BBS9: variants seen among roughly 807,000 people sequenced by gnomAD.
BBS9 encodes protein PTHB1.
In BBS9, 89 loss-of-function variants were observed where a neutral mutation model predicts 117.7. That is an observed-to-expected ratio of 0.76 (90% CI 0.64 to 0.90). The LOEUF is 0.90. Ranked by LOEUF, BBS9 falls within the 40% of genes least tolerant of loss-of-function variation. The pLI, the probability that BBS9 is intolerant of heterozygous loss-of-function variation, is 0.00. For missense variants in BBS9, 982 were observed against 1,042.2 expected, an observed-to-expected ratio of 0.94 and a Z score of 0.80; for synonymous variants, 379 against 370.9, an observed-to-expected ratio of 1.02 and a Z score of -0.25.
At chr7:33,354,259 T>G (rs1032178565) in intron 15 of BBS9, among the ~76,000 whole-genome samples, 4 of 152,258 alleles carry the variant, frequency 2.6e-5, no homozygotes, top group Middle Eastern at 3.4e-3. Flanking sequence ...CACTTAGATC[T>G]TACTTACACA....
chr7:33,524,233 A>G lies in BBS9; in HGVS notation c.2299-9721A>G, dbSNP rs1417165296. ...CTCTTTTTTGGTTGTGTCTCTGCCC[A>G]GCTTTGGTATCAGAATGATGCTGGC... On this transcript the variant is annotated intron_variant, in intron 20 of 22. Coordinates refer to ENST00000242067, the MANE Select transcript of BBS9 (RefSeq NM_198428.3). 4.6e-5 allele frequency among the ~76,000 whole-genome samples: 7 copies of G among 151,446 alleles called. No homozygotes were observed. In the East Asian group the frequency reaches 7.8e-4, roughly 17 times the overall value.
chr7:33,611,562 A>G (rs914740599), intron 21 of BBS9, among the ~76,000 whole-genome samples: 3 of 136,466 alleles, frequency 2.2e-5, no homozygotes, highest in African/African-American at 8.3e-5. Context: ...ATTATATATT[A>G]TATGTAATAT....
intron 3 of BBS9, 44 bp from the exon 4 acceptor site, chr7:33,155,593 TA>T: frequency 7.4e-7 from 1 of 1,356,780 alleles, no homozygotes; most frequent in Non-Finnish European, 1.1e-6. Flanking sequence ...TGGTTACGTC[TA>T]AAGCTAATAT....
At chr7:33,428,694 T>G (rs957726394) in intron 19 of BBS9, among the ~76,000 whole-genome samples, 1 of 152,208 alleles carries the variant, frequency 6.6e-6, no homozygotes, top group African/African-American at 2.4e-5. Context: ...TAAACTTTGC[T>G]TTCCTTGACA....
At chr7:33,570,707 A>G (rs1238656337) in intron 21 of BBS9, among the ~76,000 whole-genome samples, 1 of 152,224 alleles carries the variant, frequency 6.6e-6, no homozygotes. Flanking sequence ...ATCACAGTGT[A>G]ATGAGACATA....
In BBS9 at chr7:33,363,960, T is replaced by A. The variant is rs1266845412; in HGVS notation, c.1694-3807T>A. Among the ~76,000 whole-genome samples the A allele has an allele frequency of 1.1e-3, 33 of 31,212 alleles. 9 individuals are homozygous for A. Among genetic ancestry groups the A allele is most frequent in the Middle Eastern group, 0.026 (2 of 76 alleles). The allele number at this position is 31,212 out of a possible 152,430, so 20.5% of individuals were successfully genotyped here. A position where few individuals can be genotyped will look rare whatever the true frequency, so the allele number is the denominator to read the frequency against. ...TTTTTTTTTTTATTTTTTATTTTTT[T>A]TTTTTTGAGACGGAGTCTCGCTCTG... On this transcript the variant is annotated intron_variant, in intron 16 of 22. Transcript: ENST00000242067.
intron 19 of BBS9, among the ~76,000 whole-genome samples, chr7:33,429,172 G>A (rs567201638): frequency 6.6e-6 from 1 of 151,936 alleles, no homozygotes; most frequent in South Asian, 2.1e-4. Context: ...CATATGTGTA[G>A]CAGTTTTCTT....
chr7:33,631,193 G>T (rs1865876276), intron 21 of BBS9, among the ~76,000 whole-genome samples: 1 of 152,160 alleles, frequency 6.6e-6, no homozygotes, highest in Middle Eastern at 3.2e-3. Flanking sequence ...CGTGTGTCTG[G>T]TCCACAGAGA....
intron 19 of BBS9, among the ~76,000 whole-genome samples, chr7:33,406,453 A>T (rs1370547199): frequency 6.6e-6 from 1 of 151,412 alleles, no homozygotes; most frequent in East Asian, 1.9e-4. Flanking sequence ...TAATAGTGTT[A>T]TGTGTGAATT....
intron 21 of BBS9, among the ~76,000 whole-genome samples, chr7:33,554,855 G>A (rs1855039457): frequency 6.6e-6 from 1 of 152,104 alleles, no homozygotes; most frequent in Non-Finnish European, 1.5e-5. Flanking sequence ...GAGGTCAGGT[G>A]GAAGGGCAAG....
At chr7:33,130,435 A>T (rs369355769) in intron 1 of BBS9, among the ~76,000 whole-genome samples, 6 of 152,300 alleles carry the variant, frequency 3.9e-5, no homozygotes, top group African/African-American at 4.8e-5. Context: ...TGGAGACCAC[A>T]ACAGTTTAGA....
At chr7:33,620,484 C>A (rs1485260994) in intron 21 of BBS9, among the ~76,000 whole-genome samples, 1 of 151,052 alleles carries the variant, frequency 6.6e-6, no homozygotes, top group Non-Finnish European at 1.5e-5. Flanking sequence ...AAAAAGAAAT[C>A]AAGAAAAATC....
intron 21 of BBS9, among the ~76,000 whole-genome samples, chr7:33,624,132 C>T (rs1865535205): frequency 6.6e-6 from 1 of 152,122 alleles, no homozygotes; most frequent in Admixed American, 6.6e-5. Context: ...GCCCAATTTG[C>T]AAATCTCTGT....
At chr7:33,440,621 C>G (rs1395982488) in intron 19 of BBS9, among the ~76,000 whole-genome samples, 2 of 152,108 alleles carry the variant, frequency 1.3e-5, no homozygotes, top group African/African-American at 4.8e-5. Context: ...GGGAAGCTGC[C>G]AGAATTTTGA....
chr7:33,496,735 C>A (rs377562919), intron 19 of BBS9, among the ~76,000 whole-genome samples: 2 of 152,238 alleles, frequency 1.3e-5, no homozygotes, highest in African/African-American at 4.8e-5. Context: ...GTCATAAGTT[C>A]AGCACAGAGG....
chr7:33,605,403 A>G lies in BBS9; in HGVS notation c.*177A>G, dbSNP rs1285745225. ...TTTTTACTTCACTAGGAGAACTTGT[A>G]ACACCATGGGGAAGTCAGCTGAAAC... On this transcript the variant is annotated 3_prime_UTR_variant, in exon 23 of 23. Coordinates refer to ENST00000242067, the MANE Select transcript of BBS9 (RefSeq NM_198428.3). The G allele has an allele frequency of 7.2e-6, 5 of 692,858 alleles. No individual in the cohort carries two copies. The highest frequency in any genetic ancestry group is 3.3e-5 in the South Asian group (2 of 61,476). 42.9% of individuals were successfully genotyped at this position (692,858 alleles called of 1,614,324 possible).
chr7:33,577,202 T>C (rs1381339848), intron 21 of BBS9, among the ~76,000 whole-genome samples: 2 of 151,834 alleles, frequency 1.3e-5, no homozygotes, highest in Non-Finnish European at 2.9e-5. Flanking sequence ...TAAACAAATT[T>C]GCAAGGAAAA....
In BBS9 at chr7:33,162,949, T is replaced by G. The variant is rs143796095; in HGVS notation, c.328+7247T>G. Among the ~76,000 whole-genome samples the G allele has an allele frequency of 6.0e-3, 917 of 152,364 alleles. 9 individuals are homozygous for G. Among genetic ancestry groups the G allele is most frequent in the African/African-American group, 0.021 (878 of 41,594 alleles). ...GCTTCCAGTTTTTGCCCATTCAGTA[T>G]GATATTGGCTGTGGGTTTCTCATAA... On this transcript the variant is annotated intron_variant, in intron 4 of 22. Coordinates refer to ENST00000242067, the MANE Select transcript of BBS9 (RefSeq NM_198428.3).
At chr7:33,233,921 C>G (rs556498579) in intron 5 of BBS9, among the ~76,000 whole-genome samples, 3 of 152,028 alleles carry the variant, frequency 2.0e-5, no homozygotes, top group South Asian at 4.1e-4. Flanking sequence ...CAGCTGTAGC[C>G]CAGAAATATT....
Sources: gnomAD v4.1 joint callset for allele counts (sites outside exome capture counted in the v4.1 genomes callset) on GRCh38, gnomAD v4.1.1 for gene constraint, MANE v1.5 for transcripts, NCBI Gene and HGNC (gene_info 2026-07-23, HGNC 2026-07-21) for gene names.